ALKAL1: variants seen among roughly 807,000 people sequenced by gnomAD.
The protein encoded by ALKAL1 is ALK and LTK ligand 1.
In ALKAL1, 23 loss-of-function variants were observed where a neutral mutation model predicts 13.5. The ratio of observed to expected loss-of-function variants is 1.70; its 90% CI spans 1.23 to 2.41. The LOEUF is 2.41. ALKAL1 is among the 30% of genes most tolerant of loss of function. The probability of loss-of-function intolerance (pLI) is 0.00; values close to 1 mark genes in which losing one functional copy is unlikely to be tolerated. For missense variants in ALKAL1, 181 were observed against 178.4 expected (o/e 1.01, Z -0.08); for synonymous variants, 85 against 77.7 (o/e 1.09, Z -0.49).
chr8:52,545,629 T>G (rs1213104539), intron 1 of ALKAL1, among the ~76,000 whole-genome samples: 1 of 151,934 alleles, frequency 6.6e-6, no homozygotes, highest in Non-Finnish European at 1.5e-5. Context: ...ATGTCTCATG[T>G]CTCCCTAAAA....
At chr8:52,548,067 C>T (rs917480604) in intron 1 of ALKAL1, among the ~76,000 whole-genome samples, 4 of 152,108 alleles carry the variant, frequency 2.6e-5, no homozygotes, top group African/African-American at 7.2e-5. Context: ...TGTAACTTTA[C>T]GCCGGGTGCA....
chr8:52,537,900 C>T (rs112519690), intron 4 of ALKAL1, among the ~76,000 whole-genome samples: 5 of 151,950 alleles, frequency 3.3e-5, no homozygotes, highest in African/African-American at 1.2e-4. Flanking sequence ...AGTTTGAGAC[C>T]AGCTTGGCCA....
At position 52,554,148 on chromosome 8, in the gene ALKAL1, C is replaced by T. The variant is rs183797002; in HGVS notation, c.190+10919G>A. On this transcript the variant is annotated intron_variant, in intron 1 of 4. Coordinates refer to ENST00000358543, the MANE Select transcript of ALKAL1 (RefSeq NM_207413.4). ...CTGAGGCAGGGGAATCGCTTGAATCCGGGAGGTGGAGGTTGCAGTGAACCG... is the reference window on the plus strand; with the variant it reads ...CTGAGGCAGGGGAATCGCTTGAATCTGGGAGGTGGAGGTTGCAGTGAACCG... Among the ~76,000 whole-genome samples, 454 of 152,128 alleles carry T rather than the reference C, an allele frequency of 3.0e-3. 11 individuals are homozygous for T. The highest frequency in any genetic ancestry group is 0.02 in the Admixed American group (311 of 15,280).
intron 1 of ALKAL1, among the ~76,000 whole-genome samples, chr8:52,544,411 T>C (rs1847346019): frequency 6.6e-6 from 1 of 152,102 alleles, no homozygotes; most frequent in African/African-American, 2.4e-5. Context: ...CTGCAGCGTG[T>C]TCAAGTATTG....
chr8:52,549,843 G>A (rs1259712105), intron 1 of ALKAL1, among the ~76,000 whole-genome samples: 1 of 152,068 alleles, frequency 6.6e-6, no homozygotes, highest in Non-Finnish European at 1.5e-5. Flanking sequence ...TCGAGAGGCC[G>A]AGGCAGGAGA....
chr8:52,538,447 G>T lies in ALKAL1; in HGVS notation c.386C>A (p.Thr129Asn). The T allele has an allele frequency of 6.2e-7, 1 of 1,603,364 alleles. No individual in the cohort carries two copies. The change falls in exon 4 of 5, where the codon ACC (threonine) becomes AAC (asparagine). Residue 129 changes from threonine to asparagine, a missense_variant. By Grantham distance (65) the Thr-to-Asn change is moderately conservative. Transcript: ENST00000358543. ...TATACTCACAGGGTAGTTTTGCTAG[G>T]TCTGGGAGCACAGTGGACTCACTGC... ...RLAVSPLCSQ[T>N] is the part of the protein sequence containing the mutation.
intron 4 of ALKAL1, among the ~76,000 whole-genome samples, chr8:52,537,600 A>G (rs1250492147): frequency 2.0e-5 from 3 of 152,336 alleles, no homozygotes; most frequent in African/African-American, 7.2e-5. Flanking sequence ...ATGAATGGAT[A>G]AAGAAAATGT....
At chr8:52,544,262 T>G (rs1847344879) in intron 1 of ALKAL1, among the ~76,000 whole-genome samples, 1 of 151,994 alleles carries the variant, frequency 6.6e-6, no homozygotes, top group South Asian at 2.1e-4. Flanking sequence ...GAATTTTAAC[T>G]TCAAAACACA....
intron 2 of ALKAL1, 101 bp from the exon 3 acceptor site, chr8:52,540,012 T>G: frequency 1.1e-6 from 1 of 943,058 alleles, no homozygotes; most frequent in Non-Finnish European, 1.6e-6. Flanking sequence ...GCACTTTACA[T>G]CCTTCCATAC....
At chr8:52,555,161 A>T (rs1447739398) in intron 1 of ALKAL1, among the ~76,000 whole-genome samples, 1 of 147,028 alleles carries the variant, frequency 6.8e-6, no homozygotes. Context: ...ACAGAGCGAG[A>T]CTCTGTCTCA....
At chr8:52,537,465 A>G (rs971401737) in intron 4 of ALKAL1, among the ~76,000 whole-genome samples, 15 of 152,142 alleles carry the variant, frequency 9.9e-5, no homozygotes, top group African/African-American at 3.6e-4. Context: ...CCAAAATCCC[A>G]CTACTGGGTA....
In ALKAL1 at chr8:52,565,048, C is replaced by T. The variant is rs972744970; in HGVS notation, c.190+19G>A. The stretch of plus-strand genomic sequence containing the variant: ...CCCAGGCGCAGGGCAAAGGATGGGG[C>T]GGGATGGGGACATCGTACCTGCGCT... On this transcript the variant is annotated intron_variant, in intron 1 of 4. Transcript: ENST00000358543. The T allele has an allele frequency of 7.3e-7, 1 of 1,368,988 alleles. No homozygotes were observed. 84.8% of individuals were successfully genotyped at this position (1,368,988 alleles called of 1,614,324 possible). A position where few individuals can be genotyped will look rare whatever the true frequency, so the allele number is the denominator to read the frequency against.
chr8:52,537,362 C>G (rs1847274461), intron 4 of ALKAL1, among the ~76,000 whole-genome samples: 1 of 152,052 alleles, frequency 6.6e-6, no homozygotes, highest in African/African-American at 2.4e-5. Context: ...CCTTTATATA[C>G]TGTTGGTGGG....
intron 1 of ALKAL1, among the ~76,000 whole-genome samples, chr8:52,560,462 C>A (rs545640242): frequency 6.6e-6 from 1 of 152,268 alleles, no homozygotes; most frequent in Admixed American, 6.5e-5. Context: ...CAACAAAGAT[C>A]TTAGAAATCT....
At chr8:52,555,172 G>GA (rs1228769801) in intron 1 of ALKAL1, among the ~76,000 whole-genome samples, 1,441 of 109,988 alleles carry the variant, frequency 0.013, 28 homozygotes, top group African/African-American at 0.039. Flanking sequence ...CTCTGTCTCA[G>GA]AAAAAAAAAA....
intron 1 of ALKAL1, among the ~76,000 whole-genome samples, chr8:52,553,430 T>TTA (rs1301512316): frequency 6.6e-6 from 1 of 152,218 alleles, no homozygotes; most frequent in East Asian, 1.9e-4. Context: ...ATGATCTGAC[T>TTA]TCAAACACAT....
intron 2 of ALKAL1, 120 bp downstream of exon 2, chr8:52,542,272 C>T: frequency 1.6e-6 from 1 of 640,260 alleles, no homozygotes; most frequent in African/African-American, 1.9e-5. Context: ...CGTCCATCTC[C>T]CCAACTGGAC....
At chr8:52,559,384 T>C (rs1350790799) in intron 1 of ALKAL1, among the ~76,000 whole-genome samples, 6 of 152,156 alleles carry the variant, frequency 3.9e-5, no homozygotes, top group Non-Finnish European at 7.4e-5. Flanking sequence ...AGTGAGCTAC[T>C]GAACCAGAGG....
chr8:52,551,372 G>A (rs1487720391), intron 1 of ALKAL1, among the ~76,000 whole-genome samples: 2 of 152,052 alleles, frequency 1.3e-5, no homozygotes, highest in Non-Finnish European at 2.9e-5. Context: ...ATAGCTCACT[G>A]CAGCTTCAAA....
Sources: gnomAD v4.1 joint callset for allele counts (sites outside exome capture counted in the v4.1 genomes callset) on GRCh38, gnomAD v4.1.1 for gene constraint, MANE v1.5 for transcripts, NCBI Gene and HGNC (gene_info 2026-07-23, HGNC 2026-07-21) for gene names.